RPS5: variants seen among roughly 807,000 people sequenced by gnomAD.
RPS5 encodes the protein ribosomal protein S5, also known as small ribosomal subunit protein uS7.
A neutral mutation model predicts 20.9 loss-of-function variants in RPS5; 2 were observed. The observed-to-expected ratio is 0.10, with a 90% CI of 0.04 to 0.30. RPS5 has a LOEUF of 0.30. Among genes scored for constraint, RPS5 ranks in the 10% least tolerant of loss-of-function variants. RPS5 has a pLI of 1.00. For synonymous variants in RPS5, 112 were observed against 105.8 expected, an observed-to-expected ratio of 1.06 and a Z score of -0.36; for missense variants, 122 against 287.2, an observed-to-expected ratio of 0.42 and a Z score of 4.16.
chr19:58,393,295 G>C (rs1478474815), intron 3 of RPS5, 64 bp from the exon 4 acceptor site: 1 of 1,608,262 alleles, frequency 6.2e-7, no homozygotes, highest in Admixed American at 1.7e-5. Context: ...TCTTGTTTTA[G>C]GTATGAGGAA....
At chr19:58,389,816 T>C (rs2052351683) in intron 2 of RPS5, among the ~76,000 whole-genome samples, 1 of 151,750 alleles carries the variant, frequency 6.6e-6, no homozygotes, top group Admixed American at 6.6e-5. Context: ...TTTGTATTTT[T>C]AGTAGAGACG....
chr19:58,388,636 GTTTTTTTTTTT>G, intron 2 of RPS5: 53 of 204,640 alleles, frequency 2.6e-4, no homozygotes, highest in South Asian at 6.4e-4. Flanking sequence ...GCTGGCCGTA[GTTTTTTTTTTT>G]TTTTTTTTTT....
At chr19:58,389,033 T>C (rs2052346913) in intron 2 of RPS5, among the ~76,000 whole-genome samples, 1 of 152,202 alleles carries the variant, frequency 6.6e-6, no homozygotes, top group African/African-American at 2.4e-5. Flanking sequence ...AGTTTTGCAA[T>C]TGGGAAGTGT....
chr19:58,394,368 G>T, intron 4 of RPS5, 129 bp from the exon 5 acceptor site: 1 of 708,830 alleles, frequency 1.4e-6, no homozygotes, highest in Non-Finnish European at 2.5e-6. Flanking sequence ...AATCAGGCAT[G>T]ATGCCACCAC....
chr19:58,388,468 C>T (rs1244704498), intron 2 of RPS5: 2 of 573,834 alleles, frequency 3.5e-6, no homozygotes, highest in African/African-American at 1.9e-5. Context: ...AGGAGCATCA[C>T]ATCTCACATA....
chr19:58,391,938 C>G (rs1315272899), intron 2 of RPS5, among the ~76,000 whole-genome samples: 1 of 151,816 alleles, frequency 6.6e-6, no homozygotes, highest in Non-Finnish European at 1.5e-5. Context: ...AACAAAAAAC[C>G]AAAAAACTGT....
Position 58,394,766 on chromosome 19 carries a change from C to T in RPS5, c.*16C>T. ...CAACCGCTGATTTTCCCAGCTGCTG[C>T]CCAATAAACCTGTCTGCCCTTTGGG... On this transcript the variant is annotated 3_prime_UTR_variant, in exon 6 of 6. Transcript: ENST00000196551. 9 of 1,613,470 alleles carry T rather than the reference C, an allele frequency of 5.6e-6. No individual in the cohort carries two copies. Among genetic ancestry groups the T allele is most frequent in the Non-Finnish European group, 7.6e-6 (9 of 1,179,572 alleles).
intron 2 of RPS5, among the ~76,000 whole-genome samples, chr19:58,390,984 C>T (rs1685125290): frequency 6.6e-6 from 1 of 152,092 alleles, no homozygotes; most frequent in African/African-American, 2.4e-5. Flanking sequence ...ATAGAATGGC[C>T]TTGGGTACAT....
In RPS5 at chr19:58,393,469, C is replaced by A. The variant is rs769021773; in HGVS notation, c.429C>A (p.Pro143=). 1.2e-6 allele frequency: 2 copies of A among 1,612,236 alleles called. No individual in the cohort carries two copies. The highest frequency in any genetic ancestry group is 1.7e-6 in the Non-Finnish European group (2 of 1,179,924). The change falls in exon 4 of 6, where the codon CCC becomes CCA. Residue 143 remains proline (P), a synonymous_variant. Coordinates refer to ENST00000196551, the MANE Select transcript of RPS5 (RefSeq NM_001009.4). ...TVRRQAVDVS[P]LRRVNQAIWL... is the part of the protein sequence containing the mutation. Reference sequence around the variant, plus strand: ...GACGACAGGCTGTGGATGTGTCCCCCCTGCGCCGTGTGAACCAGGTGAGCC... The same window carrying A: ...GACGACAGGCTGTGGATGTGTCCCCACTGCGCCGTGTGAACCAGGTGAGCC...
At chr19:58,389,068 C>T (rs1036950587) in intron 2 of RPS5, among the ~76,000 whole-genome samples, 5 of 152,178 alleles carry the variant, frequency 3.3e-5, no homozygotes, top group African/African-American at 1.2e-4. Context: ...TGTTCCTACT[C>T]CGTACGGTTT....
At chr19:58,394,213 G>A (rs1228435466) in intron 4 of RPS5, 2 of 398,134 alleles carry the variant, frequency 5.0e-6, no homozygotes, top group Non-Finnish European at 9.4e-6. Flanking sequence ...GCATCCCGAA[G>A]TGTTACAGGC....
In RPS5 at chr19:58,393,496, G is replaced by T; in HGVS notation, c.447+9G>T. 1 of 1,607,662 alleles carries T rather than the reference G, an allele frequency of 6.2e-7. No homozygotes were observed. The highest frequency in any genetic ancestry group is 8.5e-7 in the Non-Finnish European group (1 of 1,178,324). On this transcript the variant is annotated intron_variant, in intron 4 of 5. Coordinates refer to ENST00000196551, the MANE Select transcript of RPS5 (RefSeq NM_001009.4). ...TGCGCCGTGTGAACCAGGTGAGCCT[G>T]GGGCTTATGCACGTGGCAGGGTGGA...
chr19:58,390,914 T>G (rs1010287023), intron 2 of RPS5, among the ~76,000 whole-genome samples: 1 of 152,206 alleles, frequency 6.6e-6, no homozygotes, highest in Non-Finnish European at 1.5e-5. Flanking sequence ...TGTGTTCTTT[T>G]CCCATCATTC....
In RPS5 at chr19:58,388,330, T is replaced by G. The variant is rs1432278520; in HGVS notation, c.108+85T>G. On this transcript the variant is annotated intron_variant, in intron 2 of 5. Coordinates refer to ENST00000196551, the MANE Select transcript of RPS5 (RefSeq NM_001009.4). Reference sequence around the variant, plus strand: ...ACACATCAAACTTGTTGCTGTGCCATTAAGTCAAGAATAGAGATCATAACA... The same window carrying G: ...ACACATCAAACTTGTTGCTGTGCCAGTAAGTCAAGAATAGAGATCATAACA... 10 of 931,498 alleles carry G rather than the reference T, an allele frequency of 1.1e-5. No individual in the cohort carries two copies. In the African/African-American group the frequency reaches 1.6e-4, roughly 15 times the overall value. 57.7% of individuals were successfully genotyped at this position (931,498 alleles called of 1,614,324 possible).
chr19:58,387,269 C>T lies in RPS5; in HGVS notation c.-72C>T, dbSNP rs1045508989. 3 of 152,270 alleles carry T rather than the reference C, an allele frequency of 2.0e-5. No individual in the cohort carries two copies. The highest frequency in any genetic ancestry group is 7.2e-5 in the African/African-American group (3 of 41,464). 9.4% of individuals were successfully genotyped at this position (152,270 alleles called of 1,614,324 possible). On this transcript the variant is annotated 5_prime_UTR_variant, in exon 1 of 6. Coordinates refer to ENST00000196551, the MANE Select transcript of RPS5 (RefSeq NM_001009.4). ...AAAGTGTTGGCCCGCGGCGCGCGGC[C>T]TCTTCCTGTCTGTACCAGGGCGGCG...
At chr19:58,388,566 C>A (rs1036448386) in intron 2 of RPS5, 3 of 429,770 alleles carry the variant, frequency 7.0e-6, no homozygotes, top group African/African-American at 2.1e-5. Context: ...CCAGTACCAT[C>A]TCCTAAAGAG....
chr19:58,391,372 G>C (rs2052361862), intron 2 of RPS5, among the ~76,000 whole-genome samples: 1 of 146,122 alleles, frequency 6.8e-6, no homozygotes, highest in Non-Finnish European at 1.5e-5. Context: ...GTGGAGGTTG[G>C]GATGAGCTGA....
chr19:58,388,461 A>G (rs2122155687), intron 2 of RPS5: 1 of 575,972 alleles, frequency 1.7e-6, no homozygotes, highest in East Asian at 2.9e-5. Context: ...CACCAGAAGG[A>G]GCATCACATC....
rs573671152 is a variant in RPS5 at position 58,393,433 on chromosome 19, C to T, written c.393C>T (p.Ala131=). 1.7e-5 allele frequency: 28 copies of T among 1,613,430 alleles called. No individual in the cohort carries two copies. The highest frequency in any genetic ancestry group is 4.4e-5 in the South Asian group (4 of 91,042). The change falls in exon 4 of 6, where the codon GCC becomes GCT. Residue 131 remains alanine (A), a synonymous_variant. Coordinates refer to ENST00000196551, the MANE Select transcript of RPS5 (RefSeq NM_001009.4). ...AGGACTCCACACGCATTGGGCGCGC[C>T]GGGACTGTGAGACGACAGGCTGTGG... The part of the protein sequence containing the change: ...PREDSTRIGR[A]GTVRRQAVDV...
Sources: gnomAD v4.1 joint callset for allele counts (sites outside exome capture counted in the v4.1 genomes callset) on GRCh38, gnomAD v4.1.1 for gene constraint, MANE v1.5 for transcripts, NCBI Gene and HGNC (gene_info 2026-07-23, HGNC 2026-07-21) for gene names.